Variants in DUSP3 observed in about 807,000 individuals in gnomAD.
DUSP3 encodes dual specificity protein phosphatase 3.
Under a neutral mutation model 15.5 loss-of-function variants are expected in DUSP3, and 7 were observed. The observed-to-expected ratio is 0.45, with a 90% CI of 0.26 to 0.85. The LOEUF (loss-of-function observed/expected upper bound fraction) is 0.85. DUSP3 is among the 40% of genes least tolerant of loss of function. DUSP3 has a pLI of 0.18. For synonymous variants in DUSP3, 86 were observed against 104.2 expected (o/e 0.83, Z 1.07); for missense variants, 209 against 251.7 (o/e 0.83, Z 1.15).
At chr17:43,778,605 G>A (rs1974420702) in intron 1 of DUSP3, among the ~76,000 whole-genome samples, 195 bp downstream of exon 1, 1 of 152,130 alleles carries the variant, frequency 6.6e-6, no homozygotes, top group Admixed American at 6.5e-5. Context: ...GGCCAGGCAG[G>A]GTTCCAGTTC....
Position 43,769,555 on chromosome 17 carries a change from C to G in DUSP3, c.*54G>C, listed in dbSNP as rs930826213. ...TTCCTAAACATGGCAGCTCGGGACA[C>G]CTTTGCCCACGGCCTCCCCCACGGA... On this transcript the variant is annotated 3_prime_UTR_variant, in exon 3 of 3. Transcript: ENST00000226004. 5.0e-6 allele frequency: 8 copies of G among 1,600,410 alleles called. No individual in the cohort carries two copies. In the African/African-American group the frequency reaches 9.4e-5, roughly 19 times the overall value.
intron 1 of DUSP3, chr17:43,777,916 G>A (rs935792175): frequency 6.1e-6 from 1 of 164,442 alleles, no homozygotes; most frequent in African/African-American, 2.4e-5. Flanking sequence ...GAGGTGGGCG[G>A]ATCATGAGGT....
intron 1 of DUSP3, chr17:43,777,796 G>C (rs972429990): frequency 5.6e-5 from 11 of 197,902 alleles, no homozygotes; most frequent in African/African-American, 2.3e-4. Context: ...GTTCTTTCCT[G>C]CTGATTAGAC....
In DUSP3 at chr17:43,769,575, C is replaced by A. The variant is rs781133402; in HGVS notation, c.*34G>T. ...GGACACCTTTGCCCACGGCCTCCCCCACGGACCTCTCGAGCAGAGGTGGTG... is the reference window on the plus strand; with the variant it reads ...GGACACCTTTGCCCACGGCCTCCCCAACGGACCTCTCGAGCAGAGGTGGTG... On this transcript the variant is annotated 3_prime_UTR_variant, in exon 3 of 3. Transcript: ENST00000226004. 5.0e-6 allele frequency: 8 copies of A among 1,609,524 alleles called. No individual in the cohort carries two copies. The African/African-American group carries it at 6.7e-5, about 13-fold the overall frequency.
chr17:43,770,663 A>C (rs1974305372), intron 2 of DUSP3, among the ~76,000 whole-genome samples: 1 of 151,618 alleles, frequency 6.6e-6, no homozygotes, highest in Non-Finnish European at 1.5e-5. Context: ...CTGTCTCAAA[A>C]AAAAAAAGAA....
At position 43,769,625 on chromosome 17, in the gene DUSP3, C is replaced by T; in HGVS notation, c.542G>A (p.Gly181Glu). ...GGGGGTGCCCTAGGGTTTCAACTTC[C>T]CCTCCTTGGCTAGTCTGTCATTGAG... is the stretch of plus-strand genomic sequence containing the variant. ...CQLNDRLAKEGKLKP is the reference protein window; with the variant it reads ...CQLNDRLAKEEKLKP The change falls in exon 3 of 3, where the codon GGG (glycine) becomes GAG (glutamate). Residue 181 changes from glycine (G) to glutamate (E), a missense_variant. Coordinates refer to ENST00000226004, the MANE Select transcript of DUSP3 (RefSeq NM_004090.4). The T allele has an allele frequency of 6.2e-7, 1 of 1,611,884 alleles. No homozygotes were observed. Among genetic ancestry groups the T allele is most frequent in the East Asian group, 2.2e-5 (1 of 44,866 alleles).
At chr17:43,775,010 G>A in intron 1 of DUSP3, 72 bp from the exon 2 acceptor site, 1 of 1,488,296 alleles carries the variant, frequency 6.7e-7, no homozygotes, top group Non-Finnish European at 9.4e-7. Context: ...GATGGAGAAG[G>A]ATTTAAGCCT....
Position 43,778,702 on chromosome 17 carries a change from C to A in DUSP3, c.125+98G>T, listed in dbSNP as rs532675432. 6.7e-6 allele frequency: 9 copies of A among 1,345,886 alleles called. No individual in the cohort carries two copies. In the South Asian group the frequency reaches 1.5e-4, roughly 22 times the overall value. The allele number at this position is 1,345,886 out of a possible 1,614,324, so 83.4% of individuals were successfully genotyped here. A position where few individuals can be genotyped will look rare whatever the true frequency, so the allele number is the denominator to read the frequency against. ...TCCCGGAGGGGCCATCGCGCCCGGG[C>A]TCCCCCAACCCAAGACTCGCGACAC... On this transcript the variant is annotated intron_variant, in intron 1 of 2. Transcript: ENST00000226004.
In DUSP3 at chr17:43,766,544, CAAAAGGCACCAACATTCCCTT is replaced by C. The variant is rs1264062669; in HGVS notation, c.*3044_*3064del. ...AACAGTAGCATCTTAACTTGTGGCA[CAAAAGGCACCAACATTCCCTT>C]TCCAAACCATCCATCACCATGGGTG... On this transcript the variant is annotated 3_prime_UTR_variant, in exon 3 of 3. Coordinates refer to ENST00000226004, the MANE Select transcript of DUSP3 (RefSeq NM_004090.4). 6.7e-6 allele frequency: 1 copy of C among 149,708 alleles called. No individual in the cohort carries two copies. Among genetic ancestry groups the C allele is most frequent in the African/African-American group, 2.5e-5 (1 of 40,280 alleles). 9.3% of individuals were successfully genotyped at this position (149,708 alleles called of 1,614,324 possible). A position where few individuals can be genotyped will look rare whatever the true frequency, so the allele number is the denominator to read the frequency against.
At position 43,773,504 on chromosome 17, in the gene DUSP3, A is replaced by AG. The variant is rs1487582588; in HGVS notation, c.352+1207dup. The stretch of plus-strand genomic sequence containing the variant: ...GTCTTATCTTATATTTGGGGGCTGC[A>AG]GGAAGTGTTTCGTAAGTGGCTGGAA... On this transcript the variant is annotated intron_variant, in intron 2 of 2. Transcript: ENST00000226004. 2.6e-5 allele frequency among the ~76,000 whole-genome samples: 4 copies of AG among 152,286 alleles called. No individual in the cohort carries two copies. In the East Asian group the frequency reaches 7.7e-4, roughly 29 times the overall value.
intron 2 of DUSP3, chr17:43,774,178 G>T: frequency 3.6e-6 from 1 of 276,838 alleles, no homozygotes; most frequent in Non-Finnish European, 6.9e-6. Context: ...AGAGATGGCT[G>T]CAGGGCCTCA....
At position 43,766,925 on chromosome 17, in the gene DUSP3, T is replaced by C. The variant is rs563305461; in HGVS notation, c.*2684A>G. The C allele has an allele frequency of 6.6e-6, 1 of 152,330 alleles. No homozygotes were observed. The highest frequency in any genetic ancestry group is 1.9e-4 in the East Asian group (1 of 5,178). 9.4% of individuals were successfully genotyped at this position (152,330 alleles called of 1,614,324 possible). A position where few individuals can be genotyped will look rare whatever the true frequency, so the allele number is the denominator to read the frequency against. ...GCACCCTGAGTTCCTGTTCCATCACTTCCCAGGCAGTAGAAGGCTGTCCAG... is the reference window on the plus strand; with the variant it reads ...GCACCCTGAGTTCCTGTTCCATCACCTCCCAGGCAGTAGAAGGCTGTCCAG... On this transcript the variant is annotated 3_prime_UTR_variant, in exon 3 of 3. Transcript: ENST00000226004.
At chr17:43,777,005 C>G (rs1036799844) in intron 1 of DUSP3, among the ~76,000 whole-genome samples, 1 of 152,006 alleles carries the variant, frequency 6.6e-6, no homozygotes, top group Non-Finnish European at 1.5e-5. Context: ...TGGAGTTTCG[C>G]TCTTGTTGCC....
In DUSP3 at chr17:43,774,950, A is replaced by AC; in HGVS notation, c.126-13dup. 6.2e-7 allele frequency: 1 copy of AC among 1,613,908 alleles called. No individual in the cohort carries two copies. The highest frequency in any genetic ancestry group is 8.5e-7 in the Non-Finnish European group (1 of 1,179,860). ...CCTGAGCCACAGACCTGGACAGGAG[A>AC]CAGTGGTGGGGATGATTAACCAACC... On this transcript the variant is annotated splice_polypyrimidine_tract_variant and intron_variant, in intron 1 of 2. Coordinates refer to ENST00000226004, the MANE Select transcript of DUSP3 (RefSeq NM_004090.4).
In DUSP3 at chr17:43,769,565, C is replaced by T. The variant is rs373502837; in HGVS notation, c.*44G>A. On this transcript the variant is annotated 3_prime_UTR_variant, in exon 3 of 3. Transcript: ENST00000226004. ...TGGCAGCTCGGGACACCTTTGCCCACGGCCTCCCCCACGGACCTCTCGAGC... is the reference window on the plus strand; with the variant it reads ...TGGCAGCTCGGGACACCTTTGCCCATGGCCTCCCCCACGGACCTCTCGAGC... 12 of 1,604,036 alleles carry T rather than the reference C, an allele frequency of 7.5e-6. No homozygotes were observed. Among genetic ancestry groups the T allele is most frequent in the African/African-American group, 5.4e-5 (4 of 74,486 alleles).
Position 43,767,883 on chromosome 17 carries a change from C to A in DUSP3, c.*1726G>T, listed in dbSNP as rs1974260641. On this transcript the variant is annotated 3_prime_UTR_variant, in exon 3 of 3. Transcript: ENST00000226004. ...GAGACCTTCCCAGCCGGGAGTGAGG[C>A]CTTACGCCACACCTGCCTCTCCGTG... 6.6e-6 allele frequency: 1 copy of A among 152,162 alleles called. No homozygotes were observed. Among genetic ancestry groups the A allele is most frequent in the Non-Finnish European group, 1.5e-5 (1 of 68,040 alleles). 9.4% of individuals were successfully genotyped at this position (152,162 alleles called of 1,614,324 possible).
intron 2 of DUSP3, among the ~76,000 whole-genome samples, chr17:43,770,366 G>A (rs767736882): frequency 6.6e-6 from 1 of 152,192 alleles, no homozygotes; most frequent in Admixed American, 6.5e-5. Context: ...GCTGTCAGAA[G>A]CCTGCAAGGG....
rs1354922854 is a variant in DUSP3, at chr17:43,771,266, AATGAC to A, written c.353-1457_353-1453del. Among the ~76,000 whole-genome samples, 3 of 152,100 alleles carry A rather than the reference AATGAC, an allele frequency of 2.0e-5. No individual in the cohort carries two copies. The East Asian group carries it at 5.8e-4, about 29-fold the overall frequency. On this transcript the variant is annotated intron_variant, in intron 2 of 2. Transcript: ENST00000226004. ...TATTAGATTATATCATCTAGAGAAT[AATGAC>A]AAGAAAAAAAATCTGTACATGTTCA...
Position 43,768,057 on chromosome 17 carries a change from C to A in DUSP3, c.*1552G>T, listed in dbSNP as rs1322594168. ...TTTCGTTTTAGGTAAGACTCCTTCA[C>A]AAGGCCTTGCGAGTGATCCTACCAT... On this transcript the variant is annotated 3_prime_UTR_variant, in exon 3 of 3. Coordinates refer to ENST00000226004, the MANE Select transcript of DUSP3 (RefSeq NM_004090.4). 2.0e-5 allele frequency: 3 copies of A among 152,188 alleles called. No homozygotes were observed. The highest frequency in any genetic ancestry group is 6.5e-5 in the Admixed American group (1 of 15,284). 9.4% of individuals were successfully genotyped at this position (152,188 alleles called of 1,614,324 possible).
Sources: gnomAD v4.1 joint callset for allele counts (sites outside exome capture counted in the v4.1 genomes callset) on GRCh38, gnomAD v4.1.1 for gene constraint, MANE v1.5 for transcripts, NCBI Gene and HGNC (gene_info 2026-07-23, HGNC 2026-07-21) for gene names.